Variants in USH2A observed in about 807,000 individuals in gnomAD.
USH2A encodes the protein Usher syndrome 2A (autosomal recessive, mild).
In USH2A, 443 loss-of-function variants were observed where a neutral mutation model predicts 538.9. The ratio of observed to expected loss-of-function variants is 0.82; its 90% CI spans 0.76 to 0.89. The LOEUF is 0.89. Ranked by LOEUF, USH2A falls within the 40% of genes least tolerant of loss-of-function variation. The pLI is 0.00. For missense variants in USH2A, 6,633 were observed against 6,324.8 expected (o/e 1.05, Z -1.65); for synonymous variants, 2,413 against 2,273.5 (o/e 1.06, Z -1.75).
intron 44 of USH2A, among the ~76,000 whole-genome samples, chr1:215,853,527 T>C (rs1039588842): frequency 6.6e-6 from 1 of 152,228 alleles, no homozygotes. Context: ...TGCAGCTGTC[T>C]TGAATTTCTT....
chr1:216,304,123 A>T (rs1373202070), intron 9 of USH2A, among the ~76,000 whole-genome samples: 1 of 152,014 alleles, frequency 6.6e-6, no homozygotes, highest in Non-Finnish European at 1.5e-5. Context: ...GTACCATTTT[A>T]TGTACCACTC....
At chr1:215,971,258 T>C (rs1667488509) in intron 35 of USH2A, among the ~76,000 whole-genome samples, 1 of 152,154 alleles carries the variant, frequency 6.6e-6, no homozygotes, top group African/African-American at 2.4e-5. Context: ...ATAGCATTCC[T>C]ATAACAGGCA....
rs1452365520 is a variant in USH2A at position 215,904,216 on chromosome 1, T to C, written c.7301-3311A>G. 2.6e-5 allele frequency among the ~76,000 whole-genome samples: 4 copies of C among 152,050 alleles called. No individual in the cohort carries two copies. In the South Asian group the frequency reaches 8.3e-4, roughly 32 times the overall value. On this transcript the variant is annotated intron_variant, in intron 38 of 71. Transcript: ENST00000307340. ...TCATTAGCCCTGAAAAAATTAGTTT[T>C]TAATATGCACACAAAACCCCTTATG...
intron 55 of USH2A, among the ~76,000 whole-genome samples, chr1:215,773,381 C>T (rs956727634): frequency 2.0e-5 from 3 of 151,988 alleles, no homozygotes; most frequent in African/African-American, 4.8e-5. Flanking sequence ...CATACTTGAT[C>T]GAACCAATCT....
At chr1:216,413,604 T>C (rs1169580728) in intron 3 of USH2A, among the ~76,000 whole-genome samples, 1 of 152,082 alleles carries the variant, frequency 6.6e-6, no homozygotes, top group African/African-American at 2.4e-5. Flanking sequence ...CTTCATATAT[T>C]GATTCCTAAA....
Position 215,844,500 on chromosome 1 carries a change from G to T in USH2A, c.9056-4C>A. On this transcript the variant is annotated splice_region_variant and splice_polypyrimidine_tract_variant and intron_variant, in intron 45 of 71. Transcript: ENST00000307340. ...GGAGGAAGCATGCCCTGAGGCTCTA[G>T]AATTAAAGGAAGAAACTGAATAAAC... The T allele has an allele frequency of 6.2e-7, 1 of 1,606,418 alleles. No individual in the cohort carries two copies.
At chr1:215,894,732 A>T (rs528448644) in intron 40 of USH2A, among the ~76,000 whole-genome samples, 22 of 152,010 alleles carry the variant, frequency 1.4e-4, no homozygotes, top group Non-Finnish European at 2.9e-4. Context: ...CACTTTTGGG[A>T]TGTCCCTCTC....
chr1:215,810,112 A>G (rs1662624775), intron 49 of USH2A, among the ~76,000 whole-genome samples: 1 of 152,182 alleles, frequency 6.6e-6, no homozygotes, highest in Non-Finnish European at 1.5e-5. Context: ...TTCTAATGCT[A>G]TGAAAAATGA....
intron 52 of USH2A, among the ~76,000 whole-genome samples, chr1:215,785,347 C>T (rs1298831475): frequency 1.3e-5 from 2 of 152,156 alleles, no homozygotes; most frequent in Non-Finnish European, 2.9e-5. Flanking sequence ...ATTTGGAGCA[C>T]TCTGAAAGGA....
At chr1:216,148,864 C>T (rs1187272094) in intron 21 of USH2A, among the ~76,000 whole-genome samples, 3 of 151,758 alleles carry the variant, frequency 2.0e-5, no homozygotes, top group Non-Finnish European at 4.4e-5. Flanking sequence ...CTTGGACTGA[C>T]CCTGACACCC....
chr1:216,398,806 T>C (rs2039260453), intron 3 of USH2A, among the ~76,000 whole-genome samples: 1 of 152,176 alleles, frequency 6.6e-6, no homozygotes, highest in Non-Finnish European at 1.5e-5. Flanking sequence ...AGAGCTGATC[T>C]TCCATTCTCC....
intron 49 of USH2A, among the ~76,000 whole-genome samples, chr1:215,812,703 T>C (rs1662729918): frequency 6.8e-6 from 1 of 147,178 alleles, no homozygotes; most frequent in East Asian, 1.9e-4. Flanking sequence ...CAAACTTAAG[T>C]AGTAGAAAAA....
intron 22 of USH2A, among the ~76,000 whole-genome samples, chr1:216,093,310 TAC>T (rs2032350245): frequency 6.6e-6 from 1 of 152,176 alleles, no homozygotes; most frequent in Admixed American, 6.5e-5. Flanking sequence ...GGACTATGTA[TAC>T]AGCTTAGGGT....
chr1:215,972,474 C>T (rs1313139534), intron 35 of USH2A, among the ~76,000 whole-genome samples: 1 of 152,172 alleles, frequency 6.6e-6, no homozygotes, highest in African/African-American at 2.4e-5. Context: ...CAGTACCTGC[C>T]ACCTTTCCCT....
chr1:215,911,109 C>T lies in USH2A; in HGVS notation c.7301-10204G>A, dbSNP rs114572974. 3.4e-3 allele frequency among the ~76,000 whole-genome samples: 518 copies of T among 151,738 alleles called. 4 individuals are homozygous for T. The highest frequency in any genetic ancestry group is 0.012 in the African/African-American group (499 of 41,384). On this transcript the variant is annotated intron_variant, in intron 38 of 71. Coordinates refer to ENST00000307340, the MANE Select transcript of USH2A (RefSeq NM_206933.4). ...TATAGGAGGTATATTTATTGGGGCACATGAGATGTTTTGATACAGGCATGC... is the reference window on the plus strand; with the variant it reads ...TATAGGAGGTATATTTATTGGGGCATATGAGATGTTTTGATACAGGCATGC...
At chr1:216,077,993 G>A in intron 27 of USH2A, 96 bp downstream of exon 27, 1 of 1,486,306 alleles carries the variant, frequency 6.7e-7, no homozygotes, top group Non-Finnish European at 9.4e-7. Context: ...GCTGCTTTTA[G>A]CCTGAGTCTA....
chr1:215,634,264 TTTCCAG>T (rs1401705243), intron 70 of USH2A, among the ~76,000 whole-genome samples, 189 bp downstream of exon 70: 1 of 152,244 alleles, frequency 6.6e-6, no homozygotes, highest in African/African-American at 2.4e-5. Flanking sequence ...TTTTTAAAGC[TTTCCAG>T]GTGATTCTAA....
At chr1:216,176,386 C>T (rs1408063190) in intron 20 of USH2A, among the ~76,000 whole-genome samples, 2 of 151,970 alleles carry the variant, frequency 1.3e-5, no homozygotes, top group East Asian at 3.9e-4. Flanking sequence ...CAGACAGGTG[C>T]CACTACGCCC....
intron 61 of USH2A, among the ~76,000 whole-genome samples, chr1:215,720,284 C>T (rs184680026): frequency 6.6e-6 from 1 of 152,204 alleles, no homozygotes; most frequent in East Asian, 1.9e-4. Context: ...TCAAGGCATG[C>T]AAGGAATATC....
Sources: allele counts gnomAD v4.1 joint callset (sites outside exome capture counted in the v4.1 genomes callset), GRCh38; gene constraint gnomAD v4.1.1; transcripts MANE v1.5; gene names NCBI Gene and HGNC (gene_info 2026-07-23, HGNC 2026-07-21).